C7orf78: variants seen among roughly 807,000 people sequenced by gnomAD.
C7orf78 encodes the protein putative uncharacterized protein C7orf78.
the C7orf78 span, among the ~76,000 whole-genome samples, chr7:12,489,402 T>A: frequency 3.9e-5 from 6 of 152,118 alleles, no homozygotes; most frequent in African/African-American, 1.4e-4. Flanking sequence ...TGAGATTGAT[T>A]GAACTTTTAT....
chr7:12,519,820 G>A, the C7orf78 span, among the ~76,000 whole-genome samples: 3 of 152,170 alleles, frequency 2.0e-5, no homozygotes, highest in African/African-American at 7.2e-5. Flanking sequence ...GACACCAGGG[G>A]ATATAAACAG....
chr7:12,492,969 G>A, the C7orf78 span, among the ~76,000 whole-genome samples: 3 of 152,300 alleles, frequency 2.0e-5, no homozygotes, highest in East Asian at 5.8e-4. Flanking sequence ...TTGGGAGGCC[G>A]AGGTGGGTGG....
At chr7:12,518,137 A>C in the C7orf78 span, among the ~76,000 whole-genome samples, 1 of 152,160 alleles carries the variant, frequency 6.6e-6, no homozygotes, top group African/African-American at 2.4e-5. Flanking sequence ...GCCTACAAAC[A>C]ATGTTAGTGG....
the C7orf78 span, among the ~76,000 whole-genome samples, chr7:12,515,665 A>T: frequency 3.0e-3 from 452 of 152,324 alleles, no homozygotes; most frequent in Non-Finnish European, 5.5e-3. Context: ...CAAAAGCCTG[A>T]TAGTGATATG....
the C7orf78 span, among the ~76,000 whole-genome samples, chr7:12,497,608 T>G: frequency 6.6e-6 from 1 of 152,128 alleles, no homozygotes; most frequent in East Asian, 1.9e-4. Context: ...CGCTGATTGC[T>G]AGCACAGCAG....
chr7:12,491,441 C>G, the C7orf78 span: 8 of 152,174 alleles, frequency 5.3e-5, no homozygotes, highest in Non-Finnish European at 1.0e-4. Flanking sequence ...TCAGGCTTCA[C>G]TCAGTCCTGT....
At chr7:12,517,327 C>T in the C7orf78 span, among the ~76,000 whole-genome samples, 349 of 152,270 alleles carry the variant, frequency 2.3e-3, 1 homozygote, top group African/African-American at 8.0e-3. Context: ...CCTCCCCAGC[C>T]ATGAGGAACT....
chr7:12,504,816 A>AT, the C7orf78 span, among the ~76,000 whole-genome samples: 3 of 152,134 alleles, frequency 2.0e-5, no homozygotes, highest in Non-Finnish European at 4.4e-5. Context: ...ATGTGCATGA[A>AT]TATGTGGTCT....
At chr7:12,525,005 A>G in the C7orf78 span, among the ~76,000 whole-genome samples, 1 of 152,150 alleles carries the variant, frequency 6.6e-6, no homozygotes, top group African/African-American at 2.4e-5. Context: ...TATTGTTACA[A>G]ATTAAACCTC....
chr7:12,501,292 T>C, the C7orf78 span, among the ~76,000 whole-genome samples: 1 of 147,946 alleles, frequency 6.8e-6, no homozygotes, highest in Non-Finnish European at 1.5e-5. Flanking sequence ...AATCAAATTG[T>C]CCCTGTTTGC....
the C7orf78 span, among the ~76,000 whole-genome samples, chr7:12,514,477 T>C: frequency 6.6e-6 from 1 of 152,088 alleles, no homozygotes; most frequent in Non-Finnish European, 1.5e-5. Context: ...AGTTGAATCA[T>C]GTTTTTGTGT....
At chr7:12,500,407 A>G in the C7orf78 span, among the ~76,000 whole-genome samples, 64,227 of 144,394 alleles carry the variant, frequency 0.44, 14,707 homozygotes, top group African/African-American at 0.49. Context: ...TATAACCACC[A>G]ATCCCACAGA....
the C7orf78 span, among the ~76,000 whole-genome samples, chr7:12,525,329 A>G: frequency 1.3e-5 from 2 of 152,108 alleles, no homozygotes; most frequent in Admixed American, 6.6e-5. Context: ...GTAGCTTATA[A>G]AAAAACAGTA....
At chr7:12,525,864 C>A in the C7orf78 span, 15 of 396,818 alleles carry the variant, frequency 3.8e-5, no homozygotes, top group African/African-American at 6.2e-5. Flanking sequence ...ATGAAAAGGA[C>A]CCCTTTGGAT....
chr7:12,531,007 C>T, the C7orf78 span: 3 of 398,252 alleles, frequency 7.5e-6, no homozygotes, highest in Non-Finnish European at 1.3e-5. Flanking sequence ...TACCATCTTC[C>T]TTCAGAGACA....
At chr7:12,513,763 G>A in the C7orf78 span, among the ~76,000 whole-genome samples, 2 of 151,592 alleles carry the variant, frequency 1.3e-5, no homozygotes, top group East Asian at 3.9e-4. Flanking sequence ...CACTTTGGGA[G>A]GCCGAGGCGG....
the C7orf78 span, among the ~76,000 whole-genome samples, chr7:12,498,455 G>A: frequency 1.0e-4 from 15 of 150,698 alleles, no homozygotes; most frequent in East Asian, 1.4e-3. Flanking sequence ...CTCAGGAGCC[G>A]ATGCGATCAA....
the C7orf78 span, among the ~76,000 whole-genome samples, chr7:12,495,178 C>A: frequency 3.9e-5 from 6 of 152,168 alleles, no homozygotes; most frequent in South Asian, 2.1e-4. Flanking sequence ...AAGGATTAGA[C>A]CACACAAACA....
chr7:12,491,635 G>C, the C7orf78 span: 4 of 152,138 alleles, frequency 2.6e-5, no homozygotes, highest in Non-Finnish European at 5.9e-5. Flanking sequence ...TTAGTGAAGT[G>C]CTTCTTGTCA....
Sources: gnomAD v4.1 joint callset for allele counts (sites outside exome capture counted in the v4.1 genomes callset) on GRCh38, gnomAD v4.1.1 for gene constraint, MANE v1.5 for transcripts, NCBI Gene and HGNC (gene_info 2026-07-23, HGNC 2026-07-21) for gene names.